IL1RAPL1: variants seen among roughly 807,000 people sequenced by gnomAD.
IL1RAPL1 encodes interleukin-1 receptor accessory protein-like 1.
In IL1RAPL1, 3 loss-of-function variants were observed where a neutral mutation model predicts 48.4. The observed-to-expected ratio is 0.06, with a 90% confidence interval of 0.03 to 0.16. The LOEUF (loss-of-function observed/expected upper bound fraction) is 0.16, where lower values mean the gene tolerates loss of function less well. IL1RAPL1 is among the 10% of genes least tolerant of loss of function. The probability of loss-of-function intolerance (pLI) is 1.00; values close to 1 mark genes in which losing one functional copy is unlikely to be tolerated. For missense variants in IL1RAPL1, 349 were observed against 530.6 expected (o/e 0.66, Z 3.36); for synonymous variants, 185 against 187.7 (o/e 0.99, Z 0.12).
intron 3 of IL1RAPL1, among the ~76,000 whole-genome samples, chrX:29,333,363 G>A (rs1932912309): frequency 9.5e-6 from 1 of 105,553 alleles, no homozygotes; most frequent in African/African-American, 3.4e-5. Flanking sequence ...CCGGGCAGAG[G>A]CGCCCCTCAC....
At chrX:28,935,949 GC>G (rs1340349308) in intron 2 of IL1RAPL1, among the ~76,000 whole-genome samples, 1 of 111,320 alleles carries the variant, frequency 9.0e-6, no homozygotes, top group African/African-American at 3.3e-5. Context: ...AAGGGTTTAA[GC>G]TACTTGGCAT....
At chrX:28,865,133 A>T (rs1392103830) in intron 2 of IL1RAPL1, among the ~76,000 whole-genome samples, 1 of 111,649 alleles carries the variant, frequency 9.0e-6, no homozygotes, top group African/African-American at 3.3e-5. Flanking sequence ...GTTGACAGGG[A>T]GTTGTTAAGA....
At chrX:29,720,114 A>C in intron 6 of IL1RAPL1, among the ~76,000 whole-genome samples, 1 of 112,051 alleles carries the variant, frequency 8.9e-6, no homozygotes, top group East Asian at 2.8e-4. Flanking sequence ...CAGATGCTGG[A>C]GAGGATGTGG....
At chrX:28,933,650 G>A (rs1053820780) in intron 2 of IL1RAPL1, among the ~76,000 whole-genome samples, 8 of 111,329 alleles carry the variant, frequency 7.2e-5, no homozygotes, top group South Asian at 3.8e-4. Context: ...GGGAGAGTCC[G>A]TACAGTAAAG....
intron 3 of IL1RAPL1, among the ~76,000 whole-genome samples, chrX:29,296,448 A>G (rs1015398490): frequency 3.6e-5 from 4 of 110,902 alleles, no homozygotes; most frequent in African/African-American, 9.8e-5. Flanking sequence ...TCAATATCCT[A>G]TTTCTGTTTT....
At chrX:29,631,502 A>G (rs1167805325) in intron 5 of IL1RAPL1, among the ~76,000 whole-genome samples, 2 of 111,934 alleles carry the variant, frequency 1.8e-5, no homozygotes, top group Non-Finnish European at 3.8e-5. Flanking sequence ...GCTGGGCTCG[A>G]ACTCCTGGGT....
At chrX:29,480,047 C>T (rs1174420812) in intron 5 of IL1RAPL1, among the ~76,000 whole-genome samples, 1 of 108,138 alleles carries the variant, frequency 9.2e-6, no homozygotes, top group East Asian at 2.9e-4. Flanking sequence ...TTACCCCTCT[C>T]TTGTTTGGCT....
At chrX:29,690,416 T>C (rs1926741887) in intron 6 of IL1RAPL1, among the ~76,000 whole-genome samples, 1 of 111,921 alleles carries the variant, frequency 8.9e-6, no homozygotes, top group South Asian at 3.7e-4. Context: ...CTCAGTATTA[T>C]TGGAATAATT....
intron 1 of IL1RAPL1, among the ~76,000 whole-genome samples, chrX:28,703,158 AG>A (rs1374685987): frequency 9.0e-6 from 1 of 111,496 alleles, no homozygotes. Flanking sequence ...AAAGCAAGCT[AG>A]GAAGTCTTAC....
chrX:29,843,286 A>G (rs924933639), intron 6 of IL1RAPL1, among the ~76,000 whole-genome samples: 33 of 112,259 alleles, frequency 2.9e-4, no homozygotes, highest in African/African-American at 1.0e-3. Flanking sequence ...TGTAACATGC[A>G]TGGGCCTTAG....
intron 2 of IL1RAPL1, among the ~76,000 whole-genome samples, chrX:29,100,407 G>A (rs775399048): frequency 2.7e-5 from 3 of 111,258 alleles, no homozygotes; most frequent in African/African-American, 9.8e-5. Flanking sequence ...ACAGTCTGGA[G>A]CTTGCCTCCC....
intron 5 of IL1RAPL1, among the ~76,000 whole-genome samples, chrX:29,464,721 C>CAT (rs1210801634): frequency 8.9e-6 from 1 of 111,930 alleles, no homozygotes; most frequent in Non-Finnish European, 1.9e-5. Flanking sequence ...AAATGTGCTA[C>CAT]ATATATACAA....
chrX:29,698,611 A>G (rs781062255), intron 6 of IL1RAPL1, among the ~76,000 whole-genome samples: 1 of 110,651 alleles, frequency 9.0e-6, no homozygotes, highest in East Asian at 2.8e-4. Flanking sequence ...GGGAGGGAGG[A>G]AGGAAGGAAG....
chrX:29,629,014 A>G (rs1180306253), intron 5 of IL1RAPL1, among the ~76,000 whole-genome samples: 1 of 112,058 alleles, frequency 8.9e-6, no homozygotes, highest in Admixed American at 9.5e-5. Context: ...CAGGACTGAG[A>G]AAGCTATTTT....
intron 2 of IL1RAPL1, among the ~76,000 whole-genome samples, chrX:28,919,626 G>A (rs746672636): frequency 8.7e-4 from 97 of 111,724 alleles, no homozygotes; most frequent in Non-Finnish European, 9.2e-4. Context: ...CTGGAAATAG[G>A]CATAATGACA....
intron 5 of IL1RAPL1, among the ~76,000 whole-genome samples, chrX:29,648,604 C>T (rs1925418330): frequency 9.0e-6 from 1 of 111,574 alleles, no homozygotes; most frequent in South Asian, 3.7e-4. Context: ...AATGGAAATA[C>T]AACATACCAA....
intron 3 of IL1RAPL1, among the ~76,000 whole-genome samples, chrX:29,360,405 C>A (rs1933360582): frequency 8.9e-6 from 1 of 111,790 alleles, no homozygotes; most frequent in Admixed American, 9.5e-5. Flanking sequence ...TTCTTAGGAT[C>A]ATGAAAAACC....
chrX:29,571,177 G>A (rs998812471), intron 5 of IL1RAPL1, among the ~76,000 whole-genome samples: 4 of 111,029 alleles, frequency 3.6e-5, no homozygotes, highest in African/African-American at 9.8e-5. Context: ...AGCCGAGATC[G>A]CGCCACTGCA....
At chrX:29,129,273 C>T (rs1384069872) in intron 2 of IL1RAPL1, among the ~76,000 whole-genome samples, 3 of 110,747 alleles carry the variant, frequency 2.7e-5, no homozygotes, top group Non-Finnish European at 5.7e-5. Context: ...AAACTCCCGA[C>T]CTCAGGTGAT....
Sources: allele counts gnomAD v4.1 joint callset (sites outside exome capture counted in the v4.1 genomes callset), GRCh38; gene constraint gnomAD v4.1.1; transcripts MANE v1.5; gene names NCBI Gene and HGNC (gene_info 2026-07-23, HGNC 2026-07-21).